The following RNF135 variants were observed in gnomAD, a reference collection of about 807,000 sequenced individuals.
RNF135 encodes the protein ring finger protein 135.
RNF135 carries 46 observed loss-of-function variants against 41.9 expected under a neutral mutation model. The ratio of observed to expected loss-of-function variants is 1.10; its 90% CI spans 0.87 to 1.40. RNF135 has a LOEUF of 1.40. Ranked by LOEUF, RNF135 falls within the 40% of genes most tolerant of loss-of-function variation. The pLI, the probability that RNF135 is intolerant of heterozygous loss-of-function variation, is 0.00. For missense variants in RNF135, 539 were observed against 549.8 expected, an observed-to-expected ratio of 0.98 and a Z score of 0.20; for synonymous variants, 238 against 223.8, an observed-to-expected ratio of 1.06 and a Z score of -0.57.
rs756758868 is a variant in RNF135, at chr17:30,998,708, G to A, written c.816G>A (p.Leu272=). 5 of 1,613,962 alleles carry A rather than the reference G, an allele frequency of 3.1e-6. No homozygotes were observed. The Admixed American group carries it at 6.7e-5, about 22-fold the overall frequency. The change falls in exon 5 of 5, where the codon CTG becomes CTA. Residue 272 remains leucine (L), a synonymous_variant. Coordinates refer to ENST00000328381, the MANE Select transcript of RNF135 (RefSeq NM_032322.4). ...ACTTGAAGAGCCTTTCCTGCAGCCT[G>A]GAGGTGTCCAAGGATTCCCGTACAG... The part of the protein sequence containing the change: ...TFNLKSLSCS[L]EVSKDSRTVT...
intron 1 of RNF135, 55 bp downstream of exon 1, chr17:30,971,500 A>C (rs1357610882): frequency 1.4e-5 from 20 of 1,430,570 alleles, no homozygotes; most frequent in Admixed American, 3.1e-5. Flanking sequence ...CCGCCGCCTG[A>C]CCCTTTCCCA....
At chr17:30,970,792 A>C, upstream of RNF135, 1 of 527,722 alleles carries the variant, frequency 1.9e-6, no homozygotes, top group Non-Finnish European at 3.4e-6. Flanking sequence ...GCTAAAGGGA[A>C]TCTTGGAGAC....
chr17:30,995,421 G>A (rs1202427528), intron 3 of RNF135, among the ~76,000 whole-genome samples: 1 of 151,980 alleles, frequency 6.6e-6, no homozygotes, highest in African/African-American at 2.4e-5. Flanking sequence ...GTAGAGACAG[G>A]GTCTCATTAT....
In RNF135 at chr17:30,971,368, GC is replaced by G; in HGVS notation, c.298del (p.His100ThrfsTer28). On this transcript the variant is annotated frameshift_variant, in exon 1 of 5. Transcript: ENST00000328381. LOFTEE classifies it high-confidence loss of function. ...AREIQAGSDP[A>X]HCPCPGSSSL... is the part of the protein sequence containing the mutation. ...CGAGATACAGGCGGGCTCCGACCCT[GC>G]CCACTGCCCCTGCCCGGGCTCCAGT... 6.5e-7 allele frequency: 1 copy of G among 1,528,556 alleles called. No homozygotes were observed. 94.7% of individuals were successfully genotyped at this position (1,528,556 alleles called of 1,614,324 possible).
intron 3 of RNF135, among the ~76,000 whole-genome samples, chr17:30,990,771 A>G (rs1004828760): frequency 6.6e-6 from 1 of 152,076 alleles, no homozygotes; most frequent in Admixed American, 6.6e-5. Flanking sequence ...CTTTTACTTT[A>G]TACATCTTTA....
rs1376582861 is a variant in RNF135 at position 30,984,757 on chromosome 17, C to T, written c.513C>T (p.Gly171=). Residue 171 remains glycine, a synonymous_variant, in exon 2 of 5, where the codon GGC becomes GGT. Coordinates refer to ENST00000328381, the MANE Select transcript of RNF135 (RefSeq NM_032322.4). The part of the protein sequence containing the change: ...SGPDNELSIL[G]KAFSSGVDLS... Reference sequence around the variant, plus strand: ...CAGACAACGAACTGAGCATCCTGGGCAAGGTAGGCTCCACTGGGAGAGGAA... The same window carrying T: ...CAGACAACGAACTGAGCATCCTGGGTAAGGTAGGCTCCACTGGGAGAGGAA... 1 of 1,613,904 alleles carries T rather than the reference C, an allele frequency of 6.2e-7. No homozygotes were observed. The highest frequency in any genetic ancestry group is 1.3e-5 in the African/African-American group (1 of 74,910).
At position 30,975,980 on chromosome 17, in the gene RNF135, T is replaced by TA. The variant is rs758632375; in HGVS notation, c.372+4544dup. The stretch of plus-strand genomic sequence containing the variant: ...GATGATAAATACAAAAAGTCACATG[T>TA]AAAAAAAAATAAATACTAAAAAAAT... On this transcript the variant is annotated intron_variant, in intron 1 of 4. Transcript: ENST00000328381. The TA allele has an allele frequency of 1.5e-3, 576 of 380,038 alleles. 5 individuals carry two copies. The highest frequency in any genetic ancestry group is 0.014 in the East Asian group (284 of 20,672). The allele number at this position is 380,038 out of a possible 1,614,324, so 23.5% of individuals were successfully genotyped here.
intron 3 of RNF135, among the ~76,000 whole-genome samples, chr17:30,990,971 T>C (rs1019295015): frequency 1.3e-5 from 2 of 152,192 alleles, no homozygotes; most frequent in African/African-American, 4.8e-5. Context: ...TAACTGTGTA[T>C]GTACATTGTT....
chr17:30,989,302 G>A (rs924088411), intron 3 of RNF135, among the ~76,000 whole-genome samples: 3 of 152,024 alleles, frequency 2.0e-5, no homozygotes, highest in Non-Finnish European at 4.4e-5. Flanking sequence ...ACGGGTTCAA[G>A]GCTGAGTGAT....
At chr17:30,979,483 A>G (rs543514832) in intron 1 of RNF135, among the ~76,000 whole-genome samples, 8 of 51,278 alleles carry the variant, frequency 1.6e-4, no homozygotes, top group African/African-American at 1.3e-4. Context: ...GGCCGGCCGG[A>G]AGGGGGGCTG....
chr17:30,988,945 A>G (rs1473672013), intron 3 of RNF135, among the ~76,000 whole-genome samples: 1 of 89,332 alleles, frequency 1.1e-5, no homozygotes, highest in Non-Finnish European at 2.1e-5. Context: ...TTTTTTTTTT[A>G]AGTAGAGACA....
chr17:30,997,386 G>A lies in RNF135; in HGVS notation c.769+55G>A, dbSNP rs878921942. The A allele has an allele frequency of 6.3e-6, 9 of 1,436,648 alleles. No individual in the cohort carries two copies. The Admixed American group carries it at 1.2e-4, about 19-fold the overall frequency. 89.0% of individuals were successfully genotyped at this position (1,436,648 alleles called of 1,614,324 possible). On this transcript the variant is annotated intron_variant, in intron 4 of 4. Transcript: ENST00000328381. ...TTTGGCTTGCCGCAGAGCGGGCTTC[G>A]AGAATATCCTACATCCATCTCCCTA...
At chr17:30,972,298 G>C (rs904070440) in intron 1 of RNF135, 3 of 151,682 alleles carry the variant, frequency 2.0e-5, no homozygotes, top group South Asian at 2.1e-4. Context: ...TTAAAAAATA[G>C]GGACGGGGTT....
At chr17:30,975,147 A>T (rs928666892) in intron 1 of RNF135, among the ~76,000 whole-genome samples, 3 of 151,528 alleles carry the variant, frequency 2.0e-5, no homozygotes, top group Non-Finnish European at 4.4e-5. Context: ...AGAAGCTATG[A>T]GACCCAATGA....
chr17:30,998,659 A>T lies in RNF135; in HGVS notation c.770-3A>T, dbSNP rs748219196. 1.2e-6 allele frequency: 2 copies of T among 1,613,360 alleles called. No individual in the cohort carries two copies. The highest frequency in any genetic ancestry group is 1.7e-6 in the Non-Finnish European group (2 of 1,179,808). ...TCTTATTGTTCTTTTTTTTTTTCCA[A>T]AGGGGCCATCCATCCAACCTTTAAC... On this transcript the variant is annotated splice_region_variant and splice_polypyrimidine_tract_variant and intron_variant, in intron 4 of 4. Coordinates refer to ENST00000328381, the MANE Select transcript of RNF135 (RefSeq NM_032322.4).
intron 3 of RNF135, among the ~76,000 whole-genome samples, chr17:30,990,709 T>C (rs1907927195): frequency 6.6e-6 from 1 of 152,232 alleles, no homozygotes; most frequent in African/African-American, 2.4e-5. Context: ...AATCTTTTTT[T>C]AATACACAAA....
At chr17:30,997,607 G>C in intron 4 of RNF135, 1 of 520,016 alleles carries the variant, frequency 1.9e-6, no homozygotes, top group South Asian at 1.6e-5. Flanking sequence ...AGGTATTTCT[G>C]CATCTGTGCT....
At chr17:30,980,448 C>A (rs1428288564) in intron 1 of RNF135, among the ~76,000 whole-genome samples, 2 of 123,570 alleles carry the variant, frequency 1.6e-5, no homozygotes, top group South Asian at 2.7e-4. Flanking sequence ...TAGGGGCGGC[C>A]GGGCAGAGGA....
rs1189144519 is a variant in RNF135, at chr17:30,983,320, CATATATATATATATATATAT to C, written c.373-1282_373-1263del. Among the ~76,000 whole-genome samples the C allele has an allele frequency of 7.0e-4, 26 of 37,076 alleles. 1 individual carries two copies. Among genetic ancestry groups the C allele is most frequent in the East Asian group, 1.4e-3 (2 of 1,398 alleles). The allele number at this position is 37,076 out of a possible 152,430, so 24.3% of individuals were successfully genotyped here. A position where few individuals can be genotyped will look rare whatever the true frequency, so the allele number is the denominator to read the frequency against. ...TGGTAATTCTAATTACATATATGTA[CATATATATATATATATATAT>C]ATATATATATATATTTTTTTTTTTT... On this transcript the variant is annotated intron_variant, in intron 1 of 4. Coordinates refer to ENST00000328381, the MANE Select transcript of RNF135 (RefSeq NM_032322.4).
Sources: gnomAD v4.1 joint callset for allele counts (sites outside exome capture counted in the v4.1 genomes callset) on GRCh38, gnomAD v4.1.1 for gene constraint, MANE v1.5 for transcripts, NCBI Gene and HGNC (gene_info 2026-07-23, HGNC 2026-07-21) for gene names.